PHACTR3: variants seen among roughly 807,000 people sequenced by gnomAD.
PHACTR3 encodes protein phosphatase 1, regulatory subunit 123.
A neutral mutation model predicts 66.8 loss-of-function variants in PHACTR3; 16 were observed. The ratio of observed to expected loss-of-function variants is 0.24; its 90% CI spans 0.16 to 0.36. PHACTR3 has a LOEUF of 0.36. Ranked by LOEUF, PHACTR3 falls within the 10% of genes least tolerant of loss-of-function variation. PHACTR3 has a pLI of 1.00. For synonymous variants in PHACTR3, 323 were observed against 292.1 expected (o/e 1.11, Z -1.08); for missense variants, 647 against 719.9 (o/e 0.90, Z 1.16).
At chr20:59,644,014 AAGAG>A (rs1232475373) in intron 1 of PHACTR3, among the ~76,000 whole-genome samples, 1 of 152,184 alleles carries the variant, frequency 6.6e-6, no homozygotes, top group Non-Finnish European at 1.5e-5. Context: ...CAAGGGCAGC[AAGAG>A]ACCTGGAACG....
intron 1 of PHACTR3, among the ~76,000 whole-genome samples, chr20:59,620,587 T>C (rs1453891498): frequency 6.6e-6 from 1 of 152,234 alleles, no homozygotes; most frequent in East Asian, 1.9e-4. Flanking sequence ...ATATGCGTTT[T>C]TGGCACAAAT....
intron 1 of PHACTR3, among the ~76,000 whole-genome samples, chr20:59,661,617 C>G (rs951912973): frequency 6.6e-6 from 1 of 152,184 alleles, no homozygotes; most frequent in Non-Finnish European, 1.5e-5. Context: ...TGGGTTTGGC[C>G]AGGTCCTCTT....
At position 59,810,459 on chromosome 20, in the gene PHACTR3, C is replaced by T. The variant is rs185548562; in HGVS notation, c.1328+4265C>T. Among the ~76,000 whole-genome samples the T allele has an allele frequency of 5.3e-5, 8 of 152,274 alleles. No homozygotes were observed. In the East Asian group the frequency reaches 9.7e-4, roughly 18 times the overall value. ...GAGGTCAGACATGGCTTCCTGGAGGCGCCATTTGTTTTCCCTACAGCAGTG... is the reference window on the plus strand; with the variant it reads ...GAGGTCAGACATGGCTTCCTGGAGGTGCCATTTGTTTTCCCTACAGCAGTG... On this transcript the variant is annotated intron_variant, in intron 8 of 12. Transcript: ENST00000371015.
intron 1 of PHACTR3, among the ~76,000 whole-genome samples, chr20:59,679,189 G>C (rs530469526): frequency 6.6e-6 from 1 of 152,288 alleles, no homozygotes; most frequent in South Asian, 2.1e-4. Context: ...AGATGGACTT[G>C]ATTGAAAAAG....
intron 1 of PHACTR3, among the ~76,000 whole-genome samples, chr20:59,728,011 G>T (rs2038626583): frequency 6.6e-6 from 1 of 152,180 alleles, no homozygotes; most frequent in Non-Finnish European, 1.5e-5. Context: ...TTATTTTGTT[G>T]TTACTGTTGT....
At chr20:59,770,384 G>T (rs1461315582) in intron 5 of PHACTR3, among the ~76,000 whole-genome samples, 1 of 152,164 alleles carries the variant, frequency 6.6e-6, no homozygotes, top group East Asian at 1.9e-4. Flanking sequence ...AGGTTCATGT[G>T]CTTCAGCATG....
chr20:59,647,466 G>T (rs2035318792), intron 1 of PHACTR3, among the ~76,000 whole-genome samples: 1 of 152,166 alleles, frequency 6.6e-6, no homozygotes, highest in South Asian at 2.1e-4. Flanking sequence ...CTGAGGTTGG[G>T]GAGGGTGGTG....
At chr20:59,748,913 C>T (rs950971505) in intron 3 of PHACTR3, among the ~76,000 whole-genome samples, 1 of 152,160 alleles carries the variant, frequency 6.6e-6, no homozygotes, top group Non-Finnish European at 1.5e-5. Flanking sequence ...TTTATGCAGC[C>T]GGGCCTGTCA....
intron 7 of PHACTR3, among the ~76,000 whole-genome samples, chr20:59,793,601 C>T (rs1057303433): frequency 3.3e-5 from 5 of 152,130 alleles, no homozygotes; most frequent in Non-Finnish European, 7.4e-5. Context: ...TGTACAGAAA[C>T]AGTAGGGATT....
chr20:59,805,434 G>C (rs1220811018), intron 7 of PHACTR3, among the ~76,000 whole-genome samples: 1 of 152,246 alleles, frequency 6.6e-6, no homozygotes, highest in Non-Finnish European at 1.5e-5. Flanking sequence ...AAACTGAAAA[G>C]ATATCAGTTG....
chr20:59,585,332 C>T (rs74588917), intron 1 of PHACTR3, among the ~76,000 whole-genome samples: 3 of 152,156 alleles, frequency 2.0e-5, no homozygotes, highest in Non-Finnish European at 2.9e-5. Context: ...GAAAATCCCC[C>T]AAAATGTGAC....
intron 8 of PHACTR3, among the ~76,000 whole-genome samples, chr20:59,819,087 G>A (rs908258295): frequency 3.3e-5 from 5 of 152,140 alleles, no homozygotes; most frequent in Admixed American, 1.3e-4. Flanking sequence ...GAGTCTGATC[G>A]TGCCTGGAGT....
At chr20:59,649,758 G>C (rs2035400192) in intron 1 of PHACTR3, among the ~76,000 whole-genome samples, 1 of 152,110 alleles carries the variant, frequency 6.6e-6, no homozygotes, top group African/African-American at 2.4e-5. Context: ...TTCCATATGA[G>C]ATACAAATTG....
intron 1 of PHACTR3, among the ~76,000 whole-genome samples, chr20:59,675,470 A>G (rs1351236263): frequency 3.3e-5 from 5 of 152,086 alleles, no homozygotes; most frequent in Admixed American, 1.3e-4. Flanking sequence ...GCAAAGCTTC[A>G]TTCGTTAAGT....
At chr20:59,822,121 A>G (rs1600717697) in intron 8 of PHACTR3, among the ~76,000 whole-genome samples, 1 of 39,466 alleles carries the variant, frequency 2.5e-5, no homozygotes. Context: ...CAGCGATCCC[A>G]CCCCCTCCGC....
At chr20:59,800,406 A>T (rs2041376108) in intron 7 of PHACTR3, among the ~76,000 whole-genome samples, 1 of 151,994 alleles carries the variant, frequency 6.6e-6, no homozygotes, top group Non-Finnish European at 1.5e-5. Context: ...CTTTATTTTG[A>T]AAGATAGTTT....
chr20:59,580,942 C>T (rs1413445683), intron 1 of PHACTR3, among the ~76,000 whole-genome samples: 1 of 152,206 alleles, frequency 6.6e-6, no homozygotes, highest in African/African-American at 2.4e-5. Flanking sequence ...CCTTGTCTGT[C>T]CCAGACTCAG....
At chr20:59,614,627 A>G (rs567485899) in intron 1 of PHACTR3, among the ~76,000 whole-genome samples, 1 of 152,306 alleles carries the variant, frequency 6.6e-6, no homozygotes, top group South Asian at 2.1e-4. Context: ...TATACATACT[A>G]TGCTCCTGTT....
At chr20:59,706,480 A>G (rs968607375) in intron 1 of PHACTR3, among the ~76,000 whole-genome samples, 5 of 152,174 alleles carry the variant, frequency 3.3e-5, no homozygotes, top group Admixed American at 6.5e-5. Context: ...GACCCCATCT[A>G]GGTGGTTGGG....
Sources: allele counts gnomAD v4.1 joint callset (sites outside exome capture counted in the v4.1 genomes callset), GRCh38; gene constraint gnomAD v4.1.1; transcripts MANE v1.5; gene names NCBI Gene and HGNC (gene_info 2026-07-23, HGNC 2026-07-21).